GNA12: variants seen among roughly 807,000 people sequenced by gnomAD.
GNA12 encodes the protein G protein subunit alpha 12.
GNA12 carries 9 observed loss-of-function variants against 26.0 expected under a neutral mutation model. That is an observed-to-expected ratio of 0.35 (90% CI 0.21 to 0.60). The LOEUF (loss-of-function observed/expected upper bound fraction) is 0.60, where lower values mean the gene tolerates loss of function less well. Ranked by LOEUF, GNA12 falls within the 20% of genes least tolerant of loss-of-function variation. The pLI is 0.78. For synonymous variants in GNA12, 264 were observed against 219.6 expected (o/e 1.20, Z -1.79); for missense variants, 405 against 525.8 (o/e 0.77, Z 2.25).
chr7:2,838,318 G>A lies in GNA12; in HGVS notation c.309+5535C>T, dbSNP rs144227257. Reference sequence around the variant, plus strand: ...AAATCAGCCAGGGAGGATCGCTCATGCCTATAATCTCGGCACTTTGGCTGA... The same window carrying A: ...AAATCAGCCAGGGAGGATCGCTCATACCTATAATCTCGGCACTTTGGCTGA... On this transcript the variant is annotated intron_variant, in intron 1 of 3. Transcript: ENST00000275364. Among the ~76,000 whole-genome samples the A allele has an allele frequency of 4.8e-3, 731 of 151,196 alleles. 7 individuals carry two copies. The highest frequency in any genetic ancestry group is 0.016 in the African/African-American group (677 of 41,290).
intron 2 of GNA12, among the ~76,000 whole-genome samples, chr7:2,752,799 A>G (rs571341057): frequency 6.6e-6 from 1 of 152,224 alleles, no homozygotes; most frequent in South Asian, 2.1e-4. Flanking sequence ...AGAGAGGTAT[A>G]GGTGGACCTG....
chr7:2,734,909 C>T (rs1304531605), intron 2 of GNA12, among the ~76,000 whole-genome samples: 1 of 152,166 alleles, frequency 6.6e-6, no homozygotes, highest in Non-Finnish European at 1.5e-5. Flanking sequence ...CCAGGGTGAA[C>T]GTACCCCAAG....
At chr7:2,792,578 A>G (rs1374743530) in intron 2 of GNA12, among the ~76,000 whole-genome samples, 2 of 152,192 alleles carry the variant, frequency 1.3e-5, no homozygotes, top group African/African-American at 4.8e-5. Flanking sequence ...AATGAATGAG[A>G]ATCTTCTTTC....
At chr7:2,834,673 C>G (rs1778778387) in intron 1 of GNA12, among the ~76,000 whole-genome samples, 1 of 152,156 alleles carries the variant, frequency 6.6e-6, no homozygotes, top group Non-Finnish European at 1.5e-5. Flanking sequence ...AAAGATGAAC[C>G]ACATATACGA....
At chr7:2,738,011 G>A (rs928780277) in intron 2 of GNA12, among the ~76,000 whole-genome samples, 2 of 152,126 alleles carry the variant, frequency 1.3e-5, no homozygotes, top group African/African-American at 4.8e-5. Flanking sequence ...CCACAGCTGT[G>A]AAAGTATTCT....
intron 1 of GNA12, chr7:2,814,405 T>A: frequency 7.0e-7 from 1 of 1,426,992 alleles, no homozygotes; most frequent in Non-Finnish European, 9.9e-7. Context: ...AGTCAACATT[T>A]AAGAATTCCT....
intron 1 of GNA12, among the ~76,000 whole-genome samples, chr7:2,796,276 G>A (rs557011152): frequency 9.2e-5 from 14 of 152,268 alleles, no homozygotes; most frequent in African/African-American, 2.9e-4. Context: ...ATTAGGCACA[G>A]TAAGAGATTA....
Position 2,731,218 on chromosome 7 carries a change from A to T in GNA12, c.1109T>A (p.Ile370Asn), listed in dbSNP as rs756865434. 2 of 1,612,750 alleles carry T rather than the reference A, an allele frequency of 1.2e-6. No homozygotes were observed. Reference protein sequence around the residue: ...RFVFHAVKDTILQENLKDIML... With the variant: ...RFVFHAVKDTNLQENLKDIML... Reference sequence around the variant, plus strand: ...GATGTCCTTCAGGTTCTCCTGCAGGATGGTGTCTTTCACAGCATGGAACAC... The same window carrying T: ...GATGTCCTTCAGGTTCTCCTGCAGGTTGGTGTCTTTCACAGCATGGAACAC... Residue 370 changes from isoleucine to asparagine, a missense_variant, in exon 4 of 4, where the codon ATC becomes AAC. Coordinates refer to ENST00000275364, the MANE Select transcript of GNA12 (RefSeq NM_007353.3). The surrounding 1 kb of genome is among the most constrained non-coding windows in gnomAD (Gnocchi z 6.0).
At chr7:2,815,355 GA>G in intron 1 of GNA12, 1 of 193,040 alleles carries the variant, frequency 5.2e-6, no homozygotes, top group South Asian at 9.8e-5. Flanking sequence ...TTTCCTGGTG[GA>G]AGGAATCTCA....
At chr7:2,748,085 C>T (rs895442064) in intron 2 of GNA12, among the ~76,000 whole-genome samples, 6 of 150,518 alleles carry the variant, frequency 4.0e-5, no homozygotes, top group African/African-American at 9.8e-5. Context: ...CCATACTGCC[C>T]AAGGTAATTT....
chr7:2,768,647 G>A (rs1361433367), intron 2 of GNA12, among the ~76,000 whole-genome samples: 1 of 148,478 alleles, frequency 6.7e-6, no homozygotes, highest in Non-Finnish European at 1.5e-5. Context: ...TTAGGTAACA[G>A]GTGAATATGC....
At chr7:2,734,179 G>A (rs1278107781) in intron 2 of GNA12, among the ~76,000 whole-genome samples, 3 of 152,184 alleles carry the variant, frequency 2.0e-5, no homozygotes, top group Non-Finnish European at 4.4e-5. Context: ...CCAGGACCCC[G>A]TTTCAGGAAG....
Position 2,730,757 on chromosome 7 carries a change from A to G in GNA12, c.*424T>C, listed in dbSNP as rs1384151263. Reference sequence around the variant, plus strand: ...TTCAGGTTAGTCTGTCTCAGGGAAGACTTGTGAGTTAGAAAAGCCGTCTGC... The same window carrying G: ...TTCAGGTTAGTCTGTCTCAGGGAAGGCTTGTGAGTTAGAAAAGCCGTCTGC... On this transcript the variant is annotated 3_prime_UTR_variant, in exon 4 of 4. Transcript: ENST00000275364. 6.0e-6 allele frequency: 1 copy of G among 166,496 alleles called. No homozygotes were observed. Among genetic ancestry groups the G allele is most frequent in the Non-Finnish European group, 1.3e-5 (1 of 76,258 alleles). The allele number at this position is 166,496 out of a possible 1,614,324, so 10.3% of individuals were successfully genotyped here. A position where few individuals can be genotyped will look rare whatever the true frequency, so the allele number is the denominator to read the frequency against.
chr7:2,733,228 T>TC (rs1789989231), intron 3 of GNA12, among the ~76,000 whole-genome samples: 1 of 152,192 alleles, frequency 6.6e-6, no homozygotes, highest in Non-Finnish European at 1.5e-5. Flanking sequence ...TCTGTCTGTC[T>TC]CCTTTATGGT....
Position 2,834,694 on chromosome 7 carries a change from A to G in GNA12, c.309+9159T>C, listed in dbSNP as rs538023280. Among the ~76,000 whole-genome samples the G allele has an allele frequency of 2.0e-5, 3 of 152,372 alleles. No individual in the cohort carries two copies. The East Asian group carries it at 5.8e-4, about 29-fold the overall frequency. On this transcript the variant is annotated intron_variant, in intron 1 of 3. Coordinates refer to ENST00000275364, the MANE Select transcript of GNA12 (RefSeq NM_007353.3). ...GAACCACATATACGATGGTGGTCCC[A>G]TAAGGTTATAACACCAGATTTTTAC...
intron 2 of GNA12, among the ~76,000 whole-genome samples, chr7:2,751,705 G>A (rs1791047499): frequency 6.6e-6 from 1 of 152,206 alleles, no homozygotes. Context: ...GTCAAACATT[G>A]ACAGGTATTA....
intron 2 of GNA12, among the ~76,000 whole-genome samples, chr7:2,736,096 G>T (rs544957874): frequency 6.6e-6 from 1 of 152,288 alleles, no homozygotes; most frequent in Admixed American, 6.5e-5. Context: ...TCATTAAAAG[G>T]GCCAGGTTTA....
chr7:2,768,817 G>T (rs1052162698), intron 2 of GNA12, among the ~76,000 whole-genome samples: 1 of 152,108 alleles, frequency 6.6e-6, no homozygotes, highest in East Asian at 1.9e-4. Context: ...TGTGTATATT[G>T]TATGTGGAGA....
chr7:2,839,433 G>C (rs1230135380), intron 1 of GNA12, among the ~76,000 whole-genome samples: 1 of 152,144 alleles, frequency 6.6e-6, no homozygotes, highest in Non-Finnish European at 1.5e-5. Flanking sequence ...GCCCAGGCTG[G>C]AGTACAGTGG....
Sources: allele counts gnomAD v4.1 joint callset (sites outside exome capture counted in the v4.1 genomes callset), GRCh38; gene constraint gnomAD v4.1.1; non-coding constraint Gnocchi (gnomAD v3.1); transcripts MANE v1.5; gene names NCBI Gene and HGNC (gene_info 2026-07-23, HGNC 2026-07-21).